SLC12A6: variants seen among roughly 807,000 people sequenced by gnomAD.
The protein encoded by SLC12A6 is K-Cl cotransporter 3.
A neutral mutation model predicts 135.3 loss-of-function variants in SLC12A6; 66 were observed. The ratio of observed to expected loss-of-function variants is 0.49; its 90% CI spans 0.40 to 0.60. The LOEUF (loss-of-function observed/expected upper bound fraction) is 0.60. Ranked by LOEUF, SLC12A6 falls within the 20% of genes least tolerant of loss-of-function variation. SLC12A6 has a pLI of 0.00. For synonymous variants in SLC12A6, 513 were observed against 508.8 expected, an observed-to-expected ratio of 1.01 and a Z score of -0.11; for missense variants, 1,058 against 1,452.3, an observed-to-expected ratio of 0.73 and a Z score of 4.41.
At chr15:34,299,330 G>T (rs10152189) in intron 2 of SLC12A6, among the ~76,000 whole-genome samples, 5,982 of 152,132 alleles carry the variant, frequency 0.039, 228 homozygotes, top group African/African-American at 0.099. Context: ...TCAACTGTTG[G>T]GTATAAGCTG....
intron 3 of SLC12A6, among the ~76,000 whole-genome samples, chr15:34,268,452 G>C (rs1156989426): frequency 1.3e-5 from 2 of 152,154 alleles, no homozygotes; most frequent in East Asian, 1.9e-4. Flanking sequence ...CATGGCTTGT[G>C]GACAGTCATG....
At chr15:34,282,661 G>A (rs1026706045) in intron 2 of SLC12A6, among the ~76,000 whole-genome samples, 1 of 152,160 alleles carries the variant, frequency 6.6e-6, no homozygotes, top group Admixed American at 6.5e-5. Flanking sequence ...GCTGAAGTGA[G>A]AGGATACTAG....
chr15:34,239,834 C>T (rs571222041), intron 19 of SLC12A6, among the ~76,000 whole-genome samples: 15 of 152,230 alleles, frequency 9.9e-5, no homozygotes, highest in African/African-American at 3.1e-4. Context: ...GAACTAGGCT[C>T]TCCTGATTTT....
At chr15:34,281,216 G>A (rs920993046) in intron 2 of SLC12A6, among the ~76,000 whole-genome samples, 1 of 152,056 alleles carries the variant, frequency 6.6e-6, no homozygotes, top group African/African-American at 2.4e-5. Flanking sequence ...CTAATACAAA[G>A]TAATGATAAA....
intron 15 of SLC12A6, 115 bp downstream of exon 15, chr15:34,245,170 G>A (rs912108581): frequency 1.7e-5 from 13 of 752,260 alleles, no homozygotes; most frequent in African/African-American, 8.6e-5. Context: ...TTTAAGTGAA[G>A]TTACATCTGT....
chr15:34,293,595 C>T (rs1249085988), intron 2 of SLC12A6, among the ~76,000 whole-genome samples: 3 of 152,198 alleles, frequency 2.0e-5, no homozygotes, highest in East Asian at 1.9e-4. Flanking sequence ...TGAGCCATCG[C>T]GCCTAGCCTA....
At chr15:34,268,596 T>C (rs1893683163) in intron 3 of SLC12A6, among the ~76,000 whole-genome samples, 1 of 152,234 alleles carries the variant, frequency 6.6e-6, no homozygotes, top group Non-Finnish European at 1.5e-5. Flanking sequence ...TGGGAAACCA[T>C]GCTGCTTTAG....
chr15:34,333,847 T>TA lies in SLC12A6; in HGVS notation c.271+2562dup, dbSNP rs544612806. 7.0e-3 allele frequency among the ~76,000 whole-genome samples: 1,072 copies of TA among 152,100 alleles called. 11 individuals are homozygous for TA. The highest frequency in any genetic ancestry group is 0.024 in the African/African-American group (1,009 of 41,496). ...GCACTTTGGGAGGCCAAGGTGGGTG[T>TA]ATCTCCTGAGGTCAGGAGTTTGAGA... On this transcript the variant is annotated intron_variant, in intron 2 of 25. Transcript: ENST00000354181.
At chr15:34,272,928 G>C (rs1894061435) in intron 3 of SLC12A6, among the ~76,000 whole-genome samples, 1 of 152,120 alleles carries the variant, frequency 6.6e-6, no homozygotes, top group Non-Finnish European at 1.5e-5. Context: ...ATAGTTTAGA[G>C]GAAAGATGTT....
At chr15:34,238,638 G>GAT in intron 20 of SLC12A6, 1 of 601,114 alleles carries the variant, frequency 1.7e-6, no homozygotes, top group Non-Finnish European at 3.0e-6. Flanking sequence ...TCTAAGGGGG[G>GAT]ATATGTGAAT....
rs1888714439 is a variant in SLC12A6, at chr15:34,317,253, A to C, written c.271+19157T>G. 2.6e-5 allele frequency among the ~76,000 whole-genome samples: 4 copies of C among 152,368 alleles called. No individual in the cohort carries two copies. In the South Asian group the frequency reaches 8.3e-4, roughly 32 times the overall value. ...TATCTCACTAGAAGGAAAAAACAAA[A>C]GGAACATTTTCCTTAAAAGTTTGCA... On this transcript the variant is annotated intron_variant, in intron 2 of 25. Transcript: ENST00000354181.
chr15:34,275,974 A>G (rs900265787), intron 2 of SLC12A6, among the ~76,000 whole-genome samples: 7 of 152,262 alleles, frequency 4.6e-5, no homozygotes, highest in African/African-American at 1.7e-4. Context: ...ATGGAATGTT[A>G]TTGCTTAAAG....
chr15:34,264,929 G>A (rs774149949), intron 3 of SLC12A6, among the ~76,000 whole-genome samples: 7 of 152,186 alleles, frequency 4.6e-5, no homozygotes, highest in South Asian at 2.1e-4. Context: ...GGGTGCAGTG[G>A]CTCATGCCTG....
intron 7 of SLC12A6, 101 bp from the exon 8 acceptor site, chr15:34,255,493 A>T: frequency 1.2e-6 from 1 of 860,404 alleles, no homozygotes. Flanking sequence ...TAAAGGTTAA[A>T]TGTTTCAGGC....
At chr15:34,318,639 C>G in intron 2 of SLC12A6, 2 of 1,612,894 alleles carry the variant, frequency 1.2e-6, no homozygotes, top group Non-Finnish European at 1.7e-6. Flanking sequence ...GCTGCCCCCT[C>G]CTCTGGGTCC....
At position 34,296,295 on chromosome 15, in the gene SLC12A6, A is replaced by G. The variant is rs893111149; in HGVS notation, c.272-20906T>C. Among the ~76,000 whole-genome samples the G allele has an allele frequency of 2.2e-4, 33 of 152,018 alleles. 1 individual carries two copies. Among genetic ancestry groups the G allele is most frequent in the African/African-American group, 7.8e-4 (32 of 41,252 alleles). ...AATGATGGTAATAATAGTAACTTAC[A>G]CATAGTAACATTTTACAGTTTTTAA... On this transcript the variant is annotated intron_variant, in intron 2 of 25. Transcript: ENST00000354181.
At chr15:34,300,773 G>A (rs113701065) in intron 2 of SLC12A6, among the ~76,000 whole-genome samples, 1,709 of 138,226 alleles carry the variant, frequency 0.012, 12 homozygotes, top group Middle Eastern at 0.037. Context: ...TCTGGCCTGG[G>A]AGACAGAGTG....
At position 34,245,402 on chromosome 15, in the gene SLC12A6, A is replaced by G. The variant is rs747694318; in HGVS notation, c.1826T>C (p.Val609Ala). 9.1e-6 allele frequency: 14 copies of G among 1,535,996 alleles called. No homozygotes were observed. Among genetic ancestry groups the G allele is most frequent in the Admixed American group, 5.0e-5 (3 of 59,910 alleles). Reference sequence around the variant, plus strand: ...CCCATTGGCTTTGCTGTGGCCAAAAACCTGTACACAGAAGGGAAATATCAG... The same window carrying G: ...CCCATTGGCTTTGCTGTGGCCAAAAGCCTGTACACAGAAGGGAAATATCAG... ...AKDNIIPFLR[V>A]FGHSKANGEP... The change falls in exon 15 of 26, where the codon GTT (valine) becomes GCT (alanine). Residue 609 changes from valine to alanine, a missense_variant and splice_region_variant. Val to Ala is a moderately conservative substitution (Grantham distance 64). Transcript: ENST00000354181.
chr15:34,254,596 G>A lies in SLC12A6; in HGVS notation c.877-7C>T. The A allele has an allele frequency of 6.3e-7, 1 of 1,596,364 alleles. No homozygotes were observed. The highest frequency in any genetic ancestry group is 8.6e-7 in the Non-Finnish European group (1 of 1,163,952). ...CTCGGGGGACGATATAGACCTGTTA[G>A]GTAAAAATAAAGGAGAAAATTAGGT... On this transcript the variant is annotated splice_region_variant and splice_polypyrimidine_tract_variant and intron_variant, in intron 8 of 25. Coordinates refer to ENST00000354181, the MANE Select transcript of SLC12A6 (RefSeq NM_001365088.1).
Sources: gnomAD v4.1 joint callset for allele counts (sites outside exome capture counted in the v4.1 genomes callset) on GRCh38, gnomAD v4.1.1 for gene constraint, MANE v1.5 for transcripts, NCBI Gene and HGNC (gene_info 2026-07-23, HGNC 2026-07-21) for gene names.